Variants in BIRC3 observed in about 807,000 individuals in gnomAD.
BIRC3 encodes the protein baculoviral IAP repeat containing 3.
A neutral mutation model predicts 59.0 loss-of-function variants in BIRC3; 26 were observed. The observed-to-expected ratio is 0.44, with a 90% CI of 0.32 to 0.61. The LOEUF is 0.61. BIRC3 is among the 20% of genes least tolerant of loss of function. The pLI is 0.04. For missense variants in BIRC3, 641 were observed against 711.5 expected (o/e 0.90, Z 1.13); for synonymous variants, 243 against 249.2 (o/e 0.98, Z 0.24).
At chr11:102,330,876 C>T in intron 5 of BIRC3, 123 bp from the exon 6 acceptor site, 1 of 953,534 alleles carries the variant, frequency 1.0e-6, no homozygotes, top group South Asian at 2.0e-5. Flanking sequence ...AATGCCTATA[C>T]ATTTTGTTGG....
rs1555043003 is a variant in BIRC3 at position 102,328,880 on chromosome 11, A to ATAT, written c.1033-16_1033-15insATT. 4.2e-5 allele frequency: 18 copies of ATAT among 426,342 alleles called. No individual in the cohort carries two copies. Among genetic ancestry groups the ATAT allele is most frequent in the East Asian group, 1.1e-4 (1 of 8,830 alleles). The allele number at this position is 426,342 out of a possible 1,614,324, so 26.4% of individuals were successfully genotyped here. ...AATTTATATATATATATATATATAT[A>ATAT]TTTTTTTTTTCTGCAGCTGCTATCC... On this transcript the variant is annotated splice_polypyrimidine_tract_variant and intron_variant, in intron 4 of 8. Coordinates refer to ENST00000263464, the MANE Select transcript of BIRC3 (RefSeq NM_001165.5).
chr11:102,325,446 T>C lies in BIRC3; in HGVS notation c.854-20T>C, dbSNP rs368065519. 2.1e-3 allele frequency: 3,409 copies of C among 1,606,744 alleles called. 80 individuals are homozygous for C. The South Asian group carries it at 0.036, about 17-fold the overall frequency. ...GCAAATTATGTGTATTCATAAGTTTTGGTCTAAAATTAATTTTAGGTAACA... is the reference window on the plus strand; with the variant it reads ...GCAAATTATGTGTATTCATAAGTTTCGGTCTAAAATTAATTTTAGGTAACA... On this transcript the variant is annotated intron_variant, in intron 2 of 8. Transcript: ENST00000263464.
At position 102,325,223 on chromosome 11, in the gene BIRC3, G is replaced by A; in HGVS notation, c.714G>A (p.Gln238=). 1 of 1,614,050 alleles carries A rather than the reference G, an allele frequency of 6.2e-7. No individual in the cohort carries two copies. The highest frequency in any genetic ancestry group is 8.5e-7 in the Non-Finnish European group (1 of 1,180,008). ...HFPKCPFIEN[Q]LQDTSRYTVS... ...CCAAATGCCCATTTATAGAAAATCAGCTTCAAGACACTTCAAGATACACAG... is the reference window on the plus strand; with the variant it reads ...CCAAATGCCCATTTATAGAAAATCAACTTCAAGACACTTCAAGATACACAG... The change falls in exon 2 of 9, where the codon CAG becomes CAA. Residue 238 remains glutamine, a synonymous_variant. Transcript: ENST00000263464.
rs1338294776 is a variant in BIRC3 at position 102,322,388 on chromosome 11, A to C, written c.-2122A>C. 1 of 206,868 alleles carries C rather than the reference A, an allele frequency of 4.8e-6. No individual in the cohort carries two copies. Among genetic ancestry groups the C allele is most frequent in the Non-Finnish European group, 9.9e-6 (1 of 101,452 alleles). 12.8% of individuals were successfully genotyped at this position (206,868 alleles called of 1,614,324 possible). On this transcript the variant is annotated 5_prime_UTR_variant, in exon 2 of 9. Coordinates refer to ENST00000263464, the MANE Select transcript of BIRC3 (RefSeq NM_001165.5). ...ACAAATTTAGAGGAAGTAAAAAGAT[A>C]AATGTGATGATTGGTCAAGAAATTA...
intron 4 of BIRC3, among the ~76,000 whole-genome samples, 157 bp from the exon 5 acceptor site, chr11:102,328,740 A>G (rs1951108543): frequency 6.6e-6 from 1 of 152,046 alleles, no homozygotes; most frequent in Non-Finnish European, 1.5e-5. Flanking sequence ...TAAATGAAAT[A>G]TTGCTTTTGG....
Position 102,337,158 on chromosome 11 carries a change from C to G in BIRC3, c.*56C>G, listed in dbSNP as rs1385490033. On this transcript the variant is annotated 3_prime_UTR_variant, in exon 9 of 9. Coordinates refer to ENST00000263464, the MANE Select transcript of BIRC3 (RefSeq NM_001165.5). ...AATTAATTTATTAAATGTATTATAA[C>G]TTTAACTTTTATCCTAATTTGGTTT... is the stretch of plus-strand genomic sequence containing the variant. 1 of 1,269,892 alleles carries G rather than the reference C, an allele frequency of 7.9e-7. No homozygotes were observed. The highest frequency in any genetic ancestry group is 1.0e-6 in the Non-Finnish European group (1 of 982,506). 78.7% of individuals were successfully genotyped at this position (1,269,892 alleles called of 1,614,324 possible). A position where few individuals can be genotyped will look rare whatever the true frequency, so the allele number is the denominator to read the frequency against.
Position 102,322,642 on chromosome 11 carries a change from C to T in BIRC3, c.-1868C>T, listed in dbSNP as rs1951042514. ...GGAATATTGAAGTTAGATACAATTA[C>T]TTACCTTTGAGGGAAATAATTGTTG... On this transcript the variant is annotated 5_prime_UTR_variant, in exon 2 of 9. Coordinates refer to ENST00000263464, the MANE Select transcript of BIRC3 (RefSeq NM_001165.5). The T allele has an allele frequency of 1.4e-5, 3 of 209,486 alleles. No homozygotes were observed. The highest frequency in any genetic ancestry group is 2.9e-5 in the Non-Finnish European group (3 of 103,050). 13.0% of individuals were successfully genotyped at this position (209,486 alleles called of 1,614,324 possible). A position where few individuals can be genotyped will look rare whatever the true frequency, so the allele number is the denominator to read the frequency against.
rs927316531 is a variant in BIRC3 at position 102,324,247 on chromosome 11, A to G, written c.-263A>G. On this transcript the variant is annotated 5_prime_UTR_variant, in exon 2 of 9. Coordinates refer to ENST00000263464, the MANE Select transcript of BIRC3 (RefSeq NM_001165.5). Reference sequence around the variant, plus strand: ...CTTCTGTGAAGGGTTTTAATTTTCAACACAGCTTACTCTGTAGCATCATGT... The same window carrying G: ...CTTCTGTGAAGGGTTTTAATTTTCAGCACAGCTTACTCTGTAGCATCATGT... 6.1e-5 allele frequency: 20 copies of G among 329,144 alleles called. No individual in the cohort carries two copies. The highest frequency in any genetic ancestry group is 4.5e-5 in the Admixed American group (1 of 22,414). 20.4% of individuals were successfully genotyped at this position (329,144 alleles called of 1,614,324 possible). A position where few individuals can be genotyped will look rare whatever the true frequency, so the allele number is the denominator to read the frequency against.
At chr11:102,328,216 G>T (rs1005544668) in intron 4 of BIRC3, 86 bp downstream of exon 4, 65 of 971,038 alleles carry the variant, frequency 6.7e-5, no homozygotes, top group Non-Finnish European at 9.0e-5. Context: ...TGAGTGAAAA[G>T]ACAAGAGTTG....
At chr11:102,321,482 G>C (rs778391596) in intron 1 of BIRC3, among the ~76,000 whole-genome samples, 101 of 152,158 alleles carry the variant, frequency 6.6e-4, no homozygotes, top group Non-Finnish European at 7.8e-4. Flanking sequence ...AGCCTCCGGA[G>C]TAGCTGGGAT....
Position 102,328,894 on chromosome 11 carries a change from C to G in BIRC3, c.1033-3C>G. 1 of 1,247,426 alleles carries G rather than the reference C, an allele frequency of 8.0e-7. No individual in the cohort carries two copies. 77.3% of individuals were successfully genotyped at this position (1,247,426 alleles called of 1,614,324 possible). A position where few individuals can be genotyped will look rare whatever the true frequency, so the allele number is the denominator to read the frequency against. The stretch of plus-strand genomic sequence containing the variant: ...TATATATATATATTTTTTTTTTCTG[C>G]AGCTGCTATCCACATCAGACAGCCC... On this transcript the variant is annotated splice_polypyrimidine_tract_variant and splice_region_variant and intron_variant, in intron 4 of 8. Transcript: ENST00000263464.
chr11:102,328,789 C>T (rs570495547), intron 4 of BIRC3, 108 bp from the exon 5 acceptor site: 5 of 369,106 alleles, frequency 1.4e-5, no homozygotes, highest in African/African-American at 1.1e-4. Flanking sequence ...TGGTTTGCAA[C>T]AAGTTGAATA....
intron 3 of BIRC3, among the ~76,000 whole-genome samples, chr11:102,327,119 G>T (rs1951091128): frequency 6.6e-6 from 1 of 152,060 alleles, no homozygotes; most frequent in Non-Finnish European, 1.5e-5. Flanking sequence ...CCTTCCTCTT[G>T]CTTATATCAA....
rs1203749799 is a variant in BIRC3 at position 102,325,318 on chromosome 11, T to C, written c.809T>C (p.Leu270Pro). ...KTFFNWPSSV[L>P]VNPEQLASAG... Reference sequence around the variant, plus strand: ...TTCTTTAACTGGCCCTCTAGTGTTCTAGTTAATCCTGAGCAGCTTGCAAGT... The same window carrying C: ...TTCTTTAACTGGCCCTCTAGTGTTCCAGTTAATCCTGAGCAGCTTGCAAGT... Residue 270 changes from leucine to proline, a missense_variant, in exon 2 of 9, where the codon CTA becomes CCA. This residue lies in a region of BIRC3 where 329 missense variants were observed against 365.6 expected (regional missense o/e 0.90). Transcript: ENST00000263464. 1 of 1,611,782 alleles carries C rather than the reference T, an allele frequency of 6.2e-7. No homozygotes were observed. The highest frequency in any genetic ancestry group is 8.5e-7 in the Non-Finnish European group (1 of 1,178,914).
chr11:102,319,449 G>A (rs994404640), intron 1 of BIRC3, among the ~76,000 whole-genome samples: 1 of 152,184 alleles, frequency 6.6e-6, no homozygotes, highest in African/African-American at 2.4e-5. Context: ...AATGAGAGTT[G>A]AAGCAATGAG....
chr11:102,318,786 C>A (rs183109583), intron 1 of BIRC3, among the ~76,000 whole-genome samples: 4 of 152,298 alleles, frequency 2.6e-5, no homozygotes, highest in Admixed American at 6.5e-5. Context: ...AGCTTGGTAT[C>A]AGAGAAGCCC....
chr11:102,337,247 TATC>T lies in BIRC3; in HGVS notation c.*146_*148del. On this transcript the variant is annotated 3_prime_UTR_variant, in exon 9 of 9. Transcript: ENST00000263464. ...GTTTTGTGTAACATATTTATATATG[TATC>T]TAAACCATATGAACATATATTTTTT... 3 of 537,264 alleles carry T rather than the reference TATC, an allele frequency of 5.6e-6. No homozygotes were observed. The highest frequency in any genetic ancestry group is 5.9e-5 in the South Asian group (1 of 16,852). 33.3% of individuals were successfully genotyped at this position (537,264 alleles called of 1,614,324 possible). A position where few individuals can be genotyped will look rare whatever the true frequency, so the allele number is the denominator to read the frequency against.
chr11:102,325,607 C>A, intron 3 of BIRC3, 42 bp downstream of exon 3: 1 of 1,568,836 alleles, frequency 6.4e-7, no homozygotes, highest in Non-Finnish European at 8.8e-7. Flanking sequence ...TTGTGATTAT[C>A]ATGAGATTGC....
rs377518449 is a variant in BIRC3 at position 102,324,482 on chromosome 11, G to A, written c.-28G>A. 1 of 1,576,184 alleles carries A rather than the reference G, an allele frequency of 6.3e-7. No individual in the cohort carries two copies. The highest frequency in any genetic ancestry group is 1.4e-5 in the African/African-American group (1 of 73,690). On this transcript the variant is annotated 5_prime_UTR_variant, in exon 2 of 9. It removes the in-frame stop codon of an upstream open reading frame in the 5' UTR. Transcript: ENST00000263464. Reference sequence around the variant, plus strand: ...AAACTACCTCCCTAGAGAAAGGCTAGTCCCTTTTCTTCCCCATTCATTTCA... The same window carrying A: ...AAACTACCTCCCTAGAGAAAGGCTAATCCCTTTTCTTCCCCATTCATTTCA...
Sources: gnomAD v4.1 joint callset for allele counts (sites outside exome capture counted in the v4.1 genomes callset) on GRCh38, gnomAD v4.1.1 for gene constraint, gnomAD v4.1.1 regional missense constraint, MANE v1.5 for transcripts, NCBI Gene and HGNC (gene_info 2026-07-23, HGNC 2026-07-21) for gene names.